IL1RAP: variants seen among roughly 807,000 people sequenced by gnomAD.
The protein encoded by IL1RAP is interleukin 1 receptor accessory protein, also known as interleukin-1 receptor accessory protein.
Under a neutral mutation model 60.7 loss-of-function variants are expected in IL1RAP, and 35 were observed. The ratio of observed to expected loss-of-function variants is 0.58; its 90% CI spans 0.44 to 0.76. IL1RAP has a LOEUF of 0.76. Ranked by LOEUF, IL1RAP falls within the 30% of genes least tolerant of loss-of-function variation. IL1RAP has a pLI of 0.00. For synonymous variants in IL1RAP, 268 were observed against 250.9 expected (o/e 1.07, Z -0.64); for missense variants, 572 against 693.9 (o/e 0.82, Z 1.97).
intron 9 of IL1RAP, among the ~76,000 whole-genome samples, chr3:190,633,899 A>G (rs975737003): frequency 1.3e-5 from 2 of 152,192 alleles, no homozygotes; most frequent in African/African-American, 4.8e-5. Flanking sequence ...TTGGACCTCC[A>G]GTACAATGTT....
chr3:190,578,915 T>C (rs573651006), intron 3 of IL1RAP, among the ~76,000 whole-genome samples: 2 of 152,260 alleles, frequency 1.3e-5, no homozygotes, highest in South Asian at 4.1e-4. Flanking sequence ...TGTGATTCAA[T>C]TACCTCACAC....
At chr3:190,598,706 A>G (rs2108739166) in intron 3 of IL1RAP, among the ~76,000 whole-genome samples, 1 of 152,166 alleles carries the variant, frequency 6.6e-6, no homozygotes, top group African/African-American at 2.4e-5. Flanking sequence ...TTTCCCATCT[A>G]TATTTTGCTA....
chr3:190,578,469 T>C (rs950530659), intron 3 of IL1RAP, among the ~76,000 whole-genome samples: 2 of 152,194 alleles, frequency 1.3e-5, no homozygotes, highest in Middle Eastern at 3.2e-3. Flanking sequence ...AATACTAAAT[T>C]AGAAACTTTG....
At chr3:190,549,174 C>T (rs1320553650) in intron 1 of IL1RAP, among the ~76,000 whole-genome samples, 1 of 152,134 alleles carries the variant, frequency 6.6e-6, no homozygotes, top group Non-Finnish European at 1.5e-5. Flanking sequence ...AGATTGAACC[C>T]CTGGTTCCCA....
chr3:190,552,006 G>T (rs541087596), intron 1 of IL1RAP, among the ~76,000 whole-genome samples: 1 of 152,040 alleles, frequency 6.6e-6, no homozygotes, highest in African/African-American at 2.4e-5. Flanking sequence ...GCAATCCAAC[G>T]TACCTAAACA....
intron 9 of IL1RAP, among the ~76,000 whole-genome samples, chr3:190,643,463 T>C (rs1034676186): frequency 2.6e-5 from 4 of 152,178 alleles, no homozygotes; most frequent in African/African-American, 9.7e-5. Flanking sequence ...TAAGATCTGG[T>C]TTTTAAGTAC....
chr3:190,578,931 C>G (rs998339961), intron 3 of IL1RAP, among the ~76,000 whole-genome samples: 47 of 152,190 alleles, frequency 3.1e-4, no homozygotes, highest in African/African-American at 1.0e-3. Context: ...CACACTAGGT[C>G]CCTCCCATGG....
intron 3 of IL1RAP, among the ~76,000 whole-genome samples, chr3:190,595,799 A>G (rs1729332223): frequency 6.6e-6 from 1 of 152,232 alleles, no homozygotes; most frequent in African/African-American, 2.4e-5. Flanking sequence ...GTAGCACAAT[A>G]TAATATAATA....
chr3:190,634,057 TGTGA>T (rs749291721), intron 9 of IL1RAP, among the ~76,000 whole-genome samples: 5 of 152,186 alleles, frequency 3.3e-5, no homozygotes, highest in African/African-American at 4.8e-5. Flanking sequence ...AATTTTTTTG[TGTGA>T]GTATGTTGAG....
chr3:190,587,475 G>A (rs1448693466), intron 3 of IL1RAP, among the ~76,000 whole-genome samples: 2 of 152,200 alleles, frequency 1.3e-5, no homozygotes. Context: ...TTTTATAATG[G>A]TGGTCACACT....
downstream of IL1RAP, among the ~76,000 whole-genome samples, chr3:190,654,712 C>T (rs999356214): frequency 5.9e-5 from 9 of 152,198 alleles, no homozygotes. Context: ...AAAACTCTCT[C>T]CGTTACTGTT....
chr3:190,538,947 C>G (rs1577537404), intron 1 of IL1RAP, among the ~76,000 whole-genome samples: 1 of 152,260 alleles, frequency 6.6e-6, no homozygotes, highest in East Asian at 1.9e-4. Flanking sequence ...TTTCCTGAAG[C>G]CTCCCCAGCC....
rs1347967973 is a variant in IL1RAP, at chr3:190,650,585, A to G, written c.*1880A>G. On this transcript the variant is annotated 3_prime_UTR_variant, in exon 12 of 12. Coordinates refer to ENST00000447382, the MANE Select transcript of IL1RAP (RefSeq NM_002182.4). ...AATGTTGATGAACAAATGTAAAATT[A>G]TATCCTATATTTAAGTACCCATAAT... The G allele has an allele frequency of 3.6e-5, 32 of 881,252 alleles. No individual in the cohort carries two copies. The highest frequency in any genetic ancestry group is 6.2e-5 in the Admixed American group (1 of 16,120). 54.6% of individuals were successfully genotyped at this position (881,252 alleles called of 1,614,324 possible).
chr3:190,525,817 G>A (rs1722465231), intron 1 of IL1RAP, among the ~76,000 whole-genome samples: 1 of 152,162 alleles, frequency 6.6e-6, no homozygotes, highest in African/African-American at 2.4e-5. Context: ...GTAATGGATG[G>A]AAATGTATGC....
At chr3:190,616,890 A>G (rs1483848543) in intron 5 of IL1RAP, among the ~76,000 whole-genome samples, 1 of 152,204 alleles carries the variant, frequency 6.6e-6, no homozygotes, top group Non-Finnish European at 1.5e-5. Context: ...TATGGAACTT[A>G]AAAACCCCAC....
intron 7 of IL1RAP, 51 bp downstream of exon 7, chr3:190,623,466 G>C (rs547054966): frequency 2.4e-6 from 3 of 1,270,500 alleles, no homozygotes; most frequent in Non-Finnish European, 3.4e-6. Flanking sequence ...TAATTACAAG[G>C]AATAAAATGT....
At chr3:190,587,136 G>A (rs569594543) in intron 3 of IL1RAP, among the ~76,000 whole-genome samples, 2 of 152,212 alleles carry the variant, frequency 1.3e-5, no homozygotes, top group Admixed American at 6.5e-5. Flanking sequence ...CAGATCATCT[G>A]GTTTTACCTT....
intron 9 of IL1RAP, chr3:190,642,432 TGTATG>T (rs1240350511): frequency 6.5e-6 from 1 of 152,678 alleles, no homozygotes; most frequent in African/African-American, 2.4e-5. Flanking sequence ...TTTCAACTGT[TGTATG>T]ATCAATAATT....
At chr3:190,577,302 G>T (rs1386893855) in intron 3 of IL1RAP, among the ~76,000 whole-genome samples, 2 of 152,052 alleles carry the variant, frequency 1.3e-5, no homozygotes, top group Non-Finnish European at 2.9e-5. Flanking sequence ...ACCAACTGTG[G>T]CAGTTGTTTG....
Sources: gnomAD v4.1 joint callset for allele counts (sites outside exome capture counted in the v4.1 genomes callset) on GRCh38, gnomAD v4.1.1 for gene constraint, MANE v1.5 for transcripts, NCBI Gene and HGNC (gene_info 2026-07-23, HGNC 2026-07-21) for gene names.